VDR: variants seen among roughly 807,000 people sequenced by gnomAD.
The protein encoded by VDR is vitamin D receptor.
Under a neutral mutation model 39.7 loss-of-function variants are expected in VDR, and 19 were observed. The observed-to-expected ratio is 0.48, with a 90% CI of 0.33 to 0.70. The LOEUF is 0.70. VDR is among the 30% of genes least tolerant of loss of function. VDR has a pLI of 0.02. For missense variants in VDR, 442 were observed against 570.5 expected, an observed-to-expected ratio of 0.77 and a Z score of 2.29; for synonymous variants, 242 against 215.8, an observed-to-expected ratio of 1.12 and a Z score of -1.07.
intron 7 of VDR, among the ~76,000 whole-genome samples, chr12:47,850,176 A>G (rs1945357877): frequency 6.6e-6 from 1 of 152,098 alleles, no homozygotes; most frequent in African/African-American, 2.4e-5. Flanking sequence ...TTCTATGCAA[A>G]TATATATATA....
intron 4 of VDR, among the ~76,000 whole-genome samples, chr12:47,859,887 T>C (rs1200348640): frequency 7.2e-4 from 24 of 33,426 alleles, no homozygotes; most frequent in African/African-American, 5.7e-3. Context: ...CCTTCCTTCC[T>C]TCCTTCCTTC....
At chr12:47,878,098 C>T (rs1007143346) in intron 3 of VDR, among the ~76,000 whole-genome samples, 2 of 152,344 alleles carry the variant, frequency 1.3e-5, no homozygotes, top group East Asian at 1.9e-4. Context: ...TCAGCATCCT[C>T]CTCTGGACTT....
chr12:47,900,626 C>T (rs1946541047), intron 1 of VDR, among the ~76,000 whole-genome samples: 1 of 152,190 alleles, frequency 6.6e-6, no homozygotes, highest in Admixed American at 6.5e-5. Context: ...CAAGTGAGTG[C>T]TCAGTAAGTA....
In VDR at chr12:47,865,164, G is replaced by A. The variant is rs1442369494; in HGVS notation, c.160C>T (p.Arg54Trp). 9 of 1,612,284 alleles carry A rather than the reference G, an allele frequency of 5.6e-6. No homozygotes were observed. Among genetic ancestry groups the A allele is most frequent in the Admixed American group, 1.7e-5 (1 of 60,020 alleles). ...CKGFFRRSMK[R>W]KALFTCPFNG... ...AAGGGGCAGGTGAATAGTGCCTTCCGCTTCATGCTTCGCCTGCCGAGAGAG... is the reference window on the plus strand; with the variant it reads ...AAGGGGCAGGTGAATAGTGCCTTCCACTTCATGCTTCGCCTGCCGAGAGAG... Residue 54 changes from arginine (R) to tryptophan (W), a missense_variant, in exon 4 of 10, where the codon CGG becomes TGG. Arg to Trp is a moderately radical substitution (Grantham distance 101). Around this residue, in one of 5 missense-constraint regions of VDR, gnomAD observed 141 missense variants for 141.3 expected, o/e 1.00. Transcript: ENST00000549336.
At chr12:47,878,049 G>A (rs1011217429) in intron 3 of VDR, among the ~76,000 whole-genome samples, 2 of 152,174 alleles carry the variant, frequency 1.3e-5, no homozygotes, top group African/African-American at 4.8e-5. Context: ...CCCCCAAGGC[G>A]AGGAGAGCAC....
chr12:47,865,245 G>C (rs1479512093), intron 3 of VDR, 68 bp from the exon 4 acceptor site: 4 of 1,595,648 alleles, frequency 2.5e-6, no homozygotes, highest in Admixed American at 1.7e-5. Context: ...TCATCACGGA[G>C]ACCTGTCTTC....
At chr12:47,872,471 G>A (rs576182377) in intron 3 of VDR, among the ~76,000 whole-genome samples, 1 of 152,340 alleles carries the variant, frequency 6.6e-6, no homozygotes, top group East Asian at 1.9e-4. Flanking sequence ...TCTTAGGCCT[G>A]CTCTCTGGGT....
intron 2 of VDR, among the ~76,000 whole-genome samples, chr12:47,879,409 C>A (rs6580643): frequency 6.6e-6 from 1 of 152,182 alleles, no homozygotes; most frequent in Admixed American, 6.5e-5. Flanking sequence ...CCTCTGCATG[C>A]CCCCGCTGTC....
At chr12:47,855,937 C>A in intron 6 of VDR, 136 bp from the exon 7 acceptor site, 1 of 998,810 alleles carries the variant, frequency 1.0e-6, no homozygotes, top group Admixed American at 2.0e-5. Flanking sequence ...CACAGGTCAC[C>A]CTTCAGCCCC....
intron 3 of VDR, among the ~76,000 whole-genome samples, chr12:47,871,245 G>T (rs1945850253): frequency 6.6e-6 from 1 of 152,056 alleles, no homozygotes; most frequent in African/African-American, 2.4e-5. Context: ...GAACCTAAAT[G>T]ACCATGACAG....
chr12:47,886,478 C>G (rs1354724240), intron 1 of VDR, among the ~76,000 whole-genome samples: 1 of 152,212 alleles, frequency 6.6e-6, no homozygotes, highest in Non-Finnish European at 1.5e-5. Flanking sequence ...CTCAGTACCT[C>G]CCAGAAGAAG....
At chr12:47,881,530 T>A (rs1470592268) in intron 2 of VDR, among the ~76,000 whole-genome samples, 1 of 152,098 alleles carries the variant, frequency 6.6e-6, no homozygotes, top group Non-Finnish European at 1.5e-5. Context: ...AACAGAAACC[T>A]TTGGAGAGAT....
intron 2 of VDR, among the ~76,000 whole-genome samples, chr12:47,881,023 G>A (rs778085963): frequency 6.6e-6 from 1 of 150,590 alleles, no homozygotes; most frequent in East Asian, 1.9e-4. Flanking sequence ...TCATTGCAGC[G>A]ATAGCAAAGA....
chr12:47,865,262 C>T, intron 3 of VDR, 85 bp from the exon 4 acceptor site: 1 of 1,586,012 alleles, frequency 6.3e-7, no homozygotes, highest in Non-Finnish European at 8.6e-7. Flanking sequence ...CTTCTGGGCC[C>T]CCTGGTCTCC....
chr12:47,901,929 C>T (rs905638820), intron 1 of VDR, among the ~76,000 whole-genome samples: 1 of 152,170 alleles, frequency 6.6e-6, no homozygotes, highest in Non-Finnish European at 1.5e-5. Context: ...GACAGGGTGG[C>T]CGGGAGCAGT....
intron 1 of VDR, among the ~76,000 whole-genome samples, chr12:47,890,339 A>ATATATATTTTATATATAT (rs1405000674): frequency 1.4e-4 from 21 of 147,660 alleles, no homozygotes; most frequent in South Asian, 4.2e-4. Context: ...CATATATGTA[A>ATATATATTTTATATATAT]TATGTATTTT....
intron 3 of VDR, among the ~76,000 whole-genome samples, chr12:47,872,104 T>G (rs1464135519): frequency 6.6e-6 from 1 of 152,248 alleles, no homozygotes; most frequent in Admixed American, 6.5e-5. Flanking sequence ...ACGTTACATT[T>G]AAAAAATCCA....
At chr12:47,855,551 G>T in intron 7 of VDR, 79 bp downstream of exon 7, 1 of 1,530,050 alleles carries the variant, frequency 6.5e-7, no homozygotes, top group Non-Finnish European at 9.0e-7. Flanking sequence ...AGAAGTGGTG[G>T]ATGAGTGATC....
At chr12:47,895,311 C>G (rs1007989571) in intron 1 of VDR, among the ~76,000 whole-genome samples, 1 of 152,198 alleles carries the variant, frequency 6.6e-6, no homozygotes, top group Admixed American at 6.5e-5. Context: ...AGACCCTATC[C>G]TCTGTTAGTT....
Sources: gnomAD v4.1 joint callset for allele counts (sites outside exome capture counted in the v4.1 genomes callset) on GRCh38, gnomAD v4.1.1 for gene constraint, gnomAD v4.1.1 regional missense constraint, MANE v1.5 for transcripts, NCBI Gene and HGNC (gene_info 2026-07-23, HGNC 2026-07-21) for gene names.